Variants in AMACR observed in about 807,000 individuals in gnomAD.
AMACR encodes alpha-methylacyl-CoA racemase, also known as 2-methylacyl-CoA racemase.
AMACR carries 18 observed loss-of-function variants against 22.2 expected under a neutral mutation model. The ratio of observed to expected loss-of-function variants is 0.81; its 90% CI spans 0.56 to 1.20. The LOEUF is 1.20. Ranked by LOEUF, AMACR falls within the 50% of genes most tolerant of loss-of-function variation. The probability of loss-of-function intolerance (pLI) is 0.00; values close to 1 mark genes in which losing one functional copy is unlikely to be tolerated. For synonymous variants in AMACR, 213 were observed against 191.3 expected (o/e 1.11, Z -0.94); for missense variants, 499 against 490.6 (o/e 1.02, Z -0.16).
intron 4 of AMACR, among the ~76,000 whole-genome samples, chr5:33,992,349 T>C (rs171681): frequency 0.091 from 13,742 of 150,892 alleles, 692 homozygotes; most frequent in East Asian, 0.16. Flanking sequence ...CTTTGCTATA[T>C]TGTTGTATAA....
intron 4 of AMACR, chr5:33,994,102 A>C (rs1753565653): frequency 2.2e-6 from 1 of 455,672 alleles, no homozygotes; most frequent in Non-Finnish European, 4.4e-6. Flanking sequence ...GATACAGATT[A>C]AAGTATGGTA....
Position 34,004,590 on chromosome 5 carries a change from A to T in AMACR, c.536T>A (p.Val179Asp). 1 of 1,614,118 alleles carries T rather than the reference A, an allele frequency of 6.2e-7. No individual in the cohort carries two copies. The highest frequency in any genetic ancestry group is 8.5e-7 in the Non-Finnish European group (1 of 1,180,004). ...FDRTRTGKGQVIDANMVEGTA... is the reference protein window; with the variant it reads ...FDRTRTGKGQDIDANMVEGTA... ...AATACTTACCATATTTGCATCAATG[A>T]CCTGACCCTTGCCAGTGCGTGTGCG... The change falls in exon 3 of 5, where the codon GTC becomes GAC. Residue 179 changes from valine (V) to aspartate (D), a missense_variant. Transcript: ENST00000335606.
chr5:33,988,967 C>CTTTTTTTTTTTTTTTTT lies in AMACR; in HGVS notation c.*125_*126insAAAAAAAAAAAAAAAAA. 2 of 1,514,634 alleles carry CTTTTTTTTTTTTTTTTT rather than the reference C, an allele frequency of 1.3e-6. No homozygotes were observed. The highest frequency in any genetic ancestry group is 2.5e-5 in the South Asian group (2 of 78,552). 93.8% of individuals were successfully genotyped at this position (1,514,634 alleles called of 1,614,324 possible). On this transcript the variant is annotated 3_prime_UTR_variant, in exon 5 of 5. Coordinates refer to ENST00000335606, the MANE Select transcript of AMACR (RefSeq NM_014324.6). ...CACTGTAGAATCAGAGTCTGTAATT[C>CTTTTTTTTTTTTTTTTT]TTTTCTTGATTAGAGTGGTAGGACA...
chr5:33,991,726 T>TTTATTATTATTATTATTA (rs60157743), intron 4 of AMACR, among the ~76,000 whole-genome samples: 2,094 of 145,182 alleles, frequency 0.014, 51 homozygotes, highest in African/African-American at 0.045. Context: ...TAAACACTAT[T>TTTATTATTATTATTATTA]TTATTATTAT....
rs769734678 is a variant in AMACR at position 34,004,611 on chromosome 5, G to A, written c.515C>T (p.Thr172Ile). 1 of 1,613,982 alleles carries A rather than the reference G, an allele frequency of 6.2e-7. No individual in the cohort carries two copies. Among genetic ancestry groups the A allele is most frequent in the Non-Finnish European group, 8.5e-7 (1 of 1,180,026 alleles). ...LGIIMALFDRTRTGKGQVIDA... is the reference protein window; with the variant it reads ...LGIIMALFDRIRTGKGQVIDA... ...AATGACCTGACCCTTGCCAGTGCGT[G>A]TGCGGTCAAAAAGAGCCATTATAAT... The change falls in exon 3 of 5, where the codon ACA becomes ATA. Residue 172 changes from threonine (T) to isoleucine (I), a missense_variant. Physicochemically the swap from Thr to Ile is moderately conservative, Grantham distance 89. Coordinates refer to ENST00000335606, the MANE Select transcript of AMACR (RefSeq NM_014324.6).
chr5:33,989,366 G>T lies in AMACR; in HGVS notation c.876C>A (p.Ala292=), dbSNP rs1271558136. The change falls in exon 5 of 5, where the codon GCC becomes GCA. Residue 292 remains alanine, a synonymous_variant. Coordinates refer to ENST00000335606, the MANE Select transcript of AMACR (RefSeq NM_014324.6). ...EWCQIFDGTD[A]CVTPVLTFEE... ...CAAAAGTCAGAACCGGAGTCACACA[G>T]GCATCTGTGCCGTCAAAGATTTGAC... 1.2e-6 allele frequency: 2 copies of T among 1,614,086 alleles called. No individual in the cohort carries two copies. The highest frequency in any genetic ancestry group is 1.3e-5 in the African/African-American group (1 of 74,922).
intron 2 of AMACR, 109 bp downstream of exon 2, chr5:34,005,647 T>C: frequency 7.4e-7 from 1 of 1,356,898 alleles, no homozygotes; most frequent in Non-Finnish European, 1.0e-6. Context: ...TCTTGATTGA[T>C]TCTGATAAAT....
chr5:33,997,689 A>G (rs530943907), intron 4 of AMACR: 61 of 647,350 alleles, frequency 9.4e-5, no homozygotes, highest in African/African-American at 8.0e-4. Context: ...CTGGACAGAG[A>G]GGTACCCTTT....
chr5:34,008,042 A>T lies in AMACR; in HGVS notation c.-23T>A. The T allele has an allele frequency of 6.2e-7, 1 of 1,607,692 alleles. No individual in the cohort carries two copies. Among genetic ancestry groups the T allele is most frequent in the Non-Finnish European group, 8.5e-7 (1 of 1,179,602 alleles). Reference sequence around the variant, plus strand: ...CATGGCGCTTCCCAGTGCCCCGCTGAAGGAAACTGAGCAGCCCTTAGCCCC... The same window carrying T: ...CATGGCGCTTCCCAGTGCCCCGCTGTAGGAAACTGAGCAGCCCTTAGCCCC... On this transcript the variant is annotated 5_prime_UTR_variant, in exon 1 of 5. Coordinates refer to ENST00000335606, the MANE Select transcript of AMACR (RefSeq NM_014324.6).
intron 3 of AMACR, among the ~76,000 whole-genome samples, chr5:34,000,667 C>T (rs34680): frequency 0.11 from 17,422 of 151,848 alleles, 1,075 homozygotes; most frequent in East Asian, 0.17. Flanking sequence ...CTAATTTTTG[C>T]GTAAAAACTA....
At chr5:33,997,829 C>A in intron 4 of AMACR, 1 of 357,340 alleles carries the variant, frequency 2.8e-6, no homozygotes, top group South Asian at 8.8e-5. Context: ...GATAAGAACA[C>A]ATCAAAAATT....
chr5:34,001,016 C>A (rs187495862), intron 3 of AMACR, among the ~76,000 whole-genome samples: 1 of 152,248 alleles, frequency 6.6e-6, no homozygotes, highest in Admixed American at 6.5e-5. Context: ...TAATCCTTAG[C>A]ATCAGAGGAG....
At chr5:34,003,365 T>C (rs539420240) in intron 3 of AMACR, among the ~76,000 whole-genome samples, 1 of 152,214 alleles carries the variant, frequency 6.6e-6, no homozygotes, top group Admixed American at 6.5e-5. Flanking sequence ...AATGACAAAC[T>C]TTTACAGAGG....
At chr5:33,997,814 C>T (rs1753690015) in intron 4 of AMACR, 1 of 440,496 alleles carries the variant, frequency 2.3e-6, no homozygotes, top group South Asian at 4.6e-5. Context: ...ACAATTACTC[C>T]ATCAGATAAG....
rs1561377633 is a variant in AMACR, at chr5:33,986,312, T to A, written c.*2781A>T. ...CATTAGCTGTGTCAGATCGCCCTGA[T>A]ATTTCTCCTCGTGGTACTTAACACA... is the stretch of plus-strand genomic sequence containing the variant. On this transcript the variant is annotated 3_prime_UTR_variant, in exon 5 of 5. Coordinates refer to ENST00000335606, the MANE Select transcript of AMACR (RefSeq NM_014324.6). 1.3e-5 allele frequency: 2 copies of A among 152,226 alleles called. No individual in the cohort carries two copies. The highest frequency in any genetic ancestry group is 2.4e-5 in the African/African-American group (1 of 41,458). The allele number at this position is 152,226 out of a possible 1,614,324, so 9.4% of individuals were successfully genotyped here.
chr5:33,999,791 T>C (rs1488182122), intron 3 of AMACR, among the ~76,000 whole-genome samples: 1 of 152,214 alleles, frequency 6.6e-6, no homozygotes. Context: ...ACTTGAAATT[T>C]CACGCACATC....
intron 3 of AMACR, among the ~76,000 whole-genome samples, chr5:34,002,195 C>T (rs1386586424): frequency 6.6e-6 from 1 of 152,108 alleles, no homozygotes; most frequent in Non-Finnish European, 1.5e-5. Context: ...TGGGGTTTCA[C>T]CATGTTGGCC....
At chr5:34,002,351 A>T (rs1488091478) in intron 3 of AMACR, among the ~76,000 whole-genome samples, 1 of 152,286 alleles carries the variant, frequency 6.6e-6, no homozygotes, top group African/African-American at 2.4e-5. Context: ...TTCTGCTGAA[A>T]GCAGCAATCA....
At chr5:33,993,535 T>C (rs1388169870) in intron 4 of AMACR, among the ~76,000 whole-genome samples, 3 of 152,224 alleles carry the variant, frequency 2.0e-5, no homozygotes, top group Non-Finnish European at 2.9e-5. Context: ...TACACTCTCA[T>C]TGGTAATACA....
Sources: allele counts gnomAD v4.1 joint callset (sites outside exome capture counted in the v4.1 genomes callset), GRCh38; gene constraint gnomAD v4.1.1; transcripts MANE v1.5; gene names NCBI Gene and HGNC (gene_info 2026-07-23, HGNC 2026-07-21).